Variants in ZNF362 observed in about 807,000 individuals in gnomAD.
ZNF362 encodes the protein zinc finger protein 362.
A neutral mutation model predicts 42.9 loss-of-function variants in ZNF362; 11 were observed. That is an observed-to-expected ratio of 0.26 (90% CI 0.16 to 0.42). ZNF362 has a LOEUF of 0.42. ZNF362 is among the 20% of genes least tolerant of loss of function. The pLI is 1.00. For synonymous variants in ZNF362, 255 were observed against 257.3 expected (o/e 0.99, Z 0.09); for missense variants, 362 against 576.2 (o/e 0.63, Z 3.81).
the ZNF362 span, chr1:33,146,466 T>C: frequency 1.3e-5 from 2 of 158,952 alleles, no homozygotes; most frequent in African/African-American, 4.8e-5. Context: ...TTTAGGCTAA[T>C]GGGCTCTGCA....
chr1:33,140,414 C>T, the ZNF362 span, among the ~76,000 whole-genome samples: 4 of 152,198 alleles, frequency 2.6e-5, no homozygotes, highest in African/African-American at 7.2e-5. The surrounding 1 kb of genome is among the most constrained non-coding windows in gnomAD (Gnocchi z 4.0). Flanking sequence ...CCCAGGACCT[C>T]GCTTCTGATT....
At chr1:33,228,114 G>C in the ZNF362 span, among the ~76,000 whole-genome samples, 11 of 151,998 alleles carry the variant, frequency 7.2e-5, no homozygotes, top group Admixed American at 7.2e-4. Flanking sequence ...CTCTACATCC[G>C]ACTAGAGCCA....
chr1:33,133,209 A>T, the ZNF362 span, among the ~76,000 whole-genome samples: 1 of 152,232 alleles, frequency 6.6e-6, no homozygotes, highest in Non-Finnish European at 1.5e-5. Context: ...CAGATCCTGG[A>T]CAAGGGCAAC....
At position 33,256,595 on chromosome 1, in the gene ZNF362, G is replaced by C. The variant is rs1314644123; in HGVS notation, c.-148G>C. ...TGTGCCGGAGCCCCAGCCCGGCCCT[G>C]CTCGGGCCGCCGGGCGCGGGGCTGC... On this transcript the variant is annotated 5_prime_UTR_variant, in exon 1 of 9. Transcript: ENST00000539719. 1 of 146,732 alleles carries C rather than the reference G, an allele frequency of 6.8e-6. No individual in the cohort carries two copies. Among genetic ancestry groups the C allele is most frequent in the African/African-American group, 2.5e-5 (1 of 40,738 alleles). The allele number at this position is 146,732 out of a possible 1,614,324, so 9.1% of individuals were successfully genotyped here. A position where few individuals can be genotyped will look rare whatever the true frequency, so the allele number is the denominator to read the frequency against.
the ZNF362 span, among the ~76,000 whole-genome samples, chr1:33,148,692 A>G: frequency 6.6e-6 from 1 of 152,220 alleles, no homozygotes; most frequent in African/African-American, 2.4e-5. Flanking sequence ...ATACACACAC[A>G]ACACTTGAAA....
intron 4 of ZNF362, among the ~76,000 whole-genome samples, chr1:33,277,258 A>G (rs1330202493): frequency 6.6e-6 from 1 of 152,254 alleles, no homozygotes; most frequent in African/African-American, 2.4e-5. Context: ...TAATGTCTCT[A>G]TTCAACAGAT....
At chr1:33,171,299 G>A in the ZNF362 span, among the ~76,000 whole-genome samples, 1 of 152,234 alleles carries the variant, frequency 6.6e-6, no homozygotes, top group South Asian at 2.1e-4. Flanking sequence ...GGAGGCGGAT[G>A]TGGTTTGGGT....
At chr1:33,236,220 C>T in the ZNF362 span, among the ~76,000 whole-genome samples, 6 of 151,888 alleles carry the variant, frequency 4.0e-5, no homozygotes, top group African/African-American at 1.5e-4. Context: ...TATATCATCA[C>T]CCAGCACACA....
the ZNF362 span, among the ~76,000 whole-genome samples, chr1:33,145,056 A>G: frequency 2.0e-5 from 3 of 152,178 alleles, no homozygotes; most frequent in Non-Finnish European, 4.4e-5. Flanking sequence ...ATTTGAGCTG[A>G]GGTCTGTGTG....
intron 1 of ZNF362, among the ~76,000 whole-genome samples, chr1:33,257,476 G>A (rs1270261941): frequency 1.3e-5 from 2 of 151,084 alleles, no homozygotes; most frequent in African/African-American, 4.9e-5. Flanking sequence ...GGATCTCGAG[G>A]CCCATTTCTC....
the ZNF362 span, among the ~76,000 whole-genome samples, chr1:33,220,435 G>A: frequency 6.6e-6 from 1 of 152,266 alleles, no homozygotes; most frequent in Middle Eastern, 3.4e-3. Flanking sequence ...AGCTCAGAGA[G>A]GTTAAGCCAC....
intron 8 of ZNF362, among the ~76,000 whole-genome samples, chr1:33,298,594 C>T (rs538050136): frequency 2.6e-5 from 4 of 152,316 alleles, no homozygotes; most frequent in African/African-American, 9.6e-5. Flanking sequence ...GGATCACCAG[C>T]CAGATGCAGG....
chr1:33,227,178 G>A, the ZNF362 span, among the ~76,000 whole-genome samples: 2 of 152,110 alleles, frequency 1.3e-5, no homozygotes, highest in Non-Finnish European at 2.9e-5. Flanking sequence ...TGAGTGAATC[G>A]TATGGTACGT....
the ZNF362 span, among the ~76,000 whole-genome samples, chr1:33,131,621 G>T: frequency 9.2e-5 from 14 of 151,908 alleles, no homozygotes; most frequent in African/African-American, 3.4e-4. Flanking sequence ...ATGTTTAAAA[G>T]AAATAAAATA....
the ZNF362 span, among the ~76,000 whole-genome samples, chr1:33,154,508 T>G: frequency 1.4e-3 from 206 of 151,920 alleles, 1 homozygote; most frequent in African/African-American, 4.8e-3. Flanking sequence ...ATTAAATTTG[T>G]TTTTTTTGAG....
the ZNF362 span, among the ~76,000 whole-genome samples, chr1:33,237,425 C>T: frequency 1.3e-5 from 2 of 152,120 alleles, no homozygotes; most frequent in Non-Finnish European, 2.9e-5. Flanking sequence ...TGTGTGTCAG[C>T]ATCTCTTCCC....
At chr1:33,130,399 C>G in the ZNF362 span, among the ~76,000 whole-genome samples, 1 of 152,328 alleles carries the variant, frequency 6.6e-6, no homozygotes, top group Admixed American at 6.5e-5. Flanking sequence ...TGGGCACCTT[C>G]TCTTGCTCTC....
At chr1:33,296,660 T>TGCAG (rs1646126672) in intron 8 of ZNF362, among the ~76,000 whole-genome samples, 1 of 152,092 alleles carries the variant, frequency 6.6e-6, no homozygotes, top group African/African-American at 2.4e-5. Flanking sequence ...GAAGCTTCCA[T>TGCAG]GCAGGCGAAC....
chr1:33,185,091 C>G, the ZNF362 span, among the ~76,000 whole-genome samples: 1 of 152,138 alleles, frequency 6.6e-6, no homozygotes, highest in Non-Finnish European at 1.5e-5. Context: ...AATTTTGCAG[C>G]TGTTTTTAGA....
Sources: allele counts gnomAD v4.1 joint callset (sites outside exome capture counted in the v4.1 genomes callset), GRCh38; gene constraint gnomAD v4.1.1; non-coding constraint Gnocchi (gnomAD v3.1); transcripts MANE v1.5; gene names NCBI Gene and HGNC (gene_info 2026-07-23, HGNC 2026-07-21).